FBXL17: variants seen among roughly 807,000 people sequenced by gnomAD.
FBXL17 encodes F-box/LRR-repeat protein 17.
Under a neutral mutation model 66.2 loss-of-function variants are expected in FBXL17, and 22 were observed. The observed-to-expected ratio is 0.33, with a 90% CI of 0.24 to 0.47. The LOEUF (loss-of-function observed/expected upper bound fraction) is 0.47, where lower values mean the gene tolerates loss of function less well. FBXL17 is among the 20% of genes least tolerant of loss of function. The probability of loss-of-function intolerance (pLI) is 1.00; values close to 1 mark genes in which losing one functional copy is unlikely to be tolerated. For synonymous variants in FBXL17, 474 were observed against 400.5 expected (o/e 1.18, Z -2.19); for missense variants, 878 against 948.2 (o/e 0.93, Z 0.97).
At chr5:107,978,937 C>G (rs1389556929) in intron 7 of FBXL17, among the ~76,000 whole-genome samples, 1 of 152,160 alleles carries the variant, frequency 6.6e-6, no homozygotes, top group Non-Finnish European at 1.5e-5. Flanking sequence ...CATATAAGGG[C>G]TGAAACATAG....
intron 7 of FBXL17, among the ~76,000 whole-genome samples, chr5:108,007,571 T>TA (rs2112729265): frequency 6.6e-6 from 1 of 152,116 alleles, no homozygotes; most frequent in Admixed American, 6.6e-5. Context: ...CCACTGCACG[T>TA]AAAAAATGTC....
intron 6 of FBXL17, among the ~76,000 whole-genome samples, chr5:108,051,914 T>C (rs1199456491): frequency 2.0e-5 from 3 of 151,764 alleles, no homozygotes; most frequent in Non-Finnish European, 4.4e-5. Context: ...ATCTAGACCA[T>C]CATGGCTAAC....
chr5:108,007,380 G>A (rs1458209478), intron 7 of FBXL17, among the ~76,000 whole-genome samples: 1 of 152,122 alleles, frequency 6.6e-6, no homozygotes, highest in Non-Finnish European at 1.5e-5. Context: ...AGACAGACTA[G>A]AGTCCACACA....
intron 4 of FBXL17, among the ~76,000 whole-genome samples, chr5:108,236,869 G>C (rs1755628129): frequency 6.6e-6 from 1 of 152,128 alleles, no homozygotes; most frequent in Admixed American, 6.5e-5. Context: ...CTTAGACTAG[G>C]CTCTGCCCTG....
At chr5:108,248,326 T>C (rs73781304) in intron 4 of FBXL17, among the ~76,000 whole-genome samples, 30 of 152,190 alleles carry the variant, frequency 2.0e-4, no homozygotes, top group African/African-American at 7.0e-4. Flanking sequence ...GAAAAAGTCA[T>C]TGGATGATCT....
intron 6 of FBXL17, among the ~76,000 whole-genome samples, chr5:108,183,377 T>C (rs1580571574): frequency 6.6e-6 from 1 of 152,172 alleles, no homozygotes; most frequent in East Asian, 1.9e-4. Flanking sequence ...ACCAAGAAAT[T>C]TACTGTAATA....
intron 7 of FBXL17, among the ~76,000 whole-genome samples, chr5:107,981,937 A>G (rs1256941069): frequency 6.6e-6 from 1 of 152,186 alleles, no homozygotes; most frequent in Non-Finnish European, 1.5e-5. Flanking sequence ...TTTATTACAG[A>G]AAAATGTACA....
intron 4 of FBXL17, chr5:108,299,094 AAC>A (rs1319313557): frequency 1.2e-5 from 12 of 977,212 alleles, no homozygotes; most frequent in African/African-American, 8.8e-5. Context: ...TATTTTAAAA[AAC>A]AGTCTGATTT....
At chr5:108,356,964 T>G (rs1246909186) in intron 3 of FBXL17, among the ~76,000 whole-genome samples, 1 of 152,014 alleles carries the variant, frequency 6.6e-6, no homozygotes, top group Non-Finnish European at 1.5e-5. Flanking sequence ...AATTCTGAAA[T>G]GAACCCAAAA....
At chr5:108,200,050 A>T (rs1753826929) in intron 5 of FBXL17, among the ~76,000 whole-genome samples, 1 of 152,078 alleles carries the variant, frequency 6.6e-6, no homozygotes, top group Non-Finnish European at 1.5e-5. Context: ...AAGACACAAA[A>T]GGAAGAGTCA....
intron 6 of FBXL17, among the ~76,000 whole-genome samples, chr5:108,035,801 A>C (rs1414522174): frequency 2.0e-5 from 3 of 151,964 alleles, no homozygotes; most frequent in Non-Finnish European, 4.4e-5. Context: ...CAAACACCTA[A>C]AGCACTCTAC....
At chr5:107,981,021 T>C (rs1381121147) in intron 7 of FBXL17, among the ~76,000 whole-genome samples, 1 of 152,086 alleles carries the variant, frequency 6.6e-6, no homozygotes, top group Non-Finnish European at 1.5e-5. Flanking sequence ...CTGGGAGGTA[T>C]ACAAAAGTGA....
intron 7 of FBXL17, among the ~76,000 whole-genome samples, chr5:108,001,627 A>G (rs555584992): frequency 6.6e-6 from 1 of 152,094 alleles, no homozygotes; most frequent in South Asian, 2.1e-4. Flanking sequence ...CAGCCTCCCA[A>G]GTAGCTGGGA....
chr5:108,100,043 C>T (rs550599433), intron 6 of FBXL17, among the ~76,000 whole-genome samples: 69 of 152,172 alleles, frequency 4.5e-4, no homozygotes, highest in Middle Eastern at 3.4e-3. Flanking sequence ...ATTAAACTAT[C>T]CCAATTATCT....
At chr5:107,863,165 C>A (rs1042001673) in intron 8 of FBXL17, among the ~76,000 whole-genome samples, 1 of 151,416 alleles carries the variant, frequency 6.6e-6, no homozygotes, top group African/African-American at 2.4e-5. Flanking sequence ...AAAACTGATA[C>A]ACATATCGGA....
chr5:107,983,290 C>G (rs1752892720), intron 7 of FBXL17, among the ~76,000 whole-genome samples: 1 of 152,144 alleles, frequency 6.6e-6, no homozygotes, highest in South Asian at 2.1e-4. Flanking sequence ...CTCCCAAGCT[C>G]AAGTGATCTT....
At chr5:108,191,211 A>G (rs919912172) in intron 5 of FBXL17, among the ~76,000 whole-genome samples, 1 of 152,222 alleles carries the variant, frequency 6.6e-6, no homozygotes, top group African/African-American at 2.4e-5. Flanking sequence ...CGAAGTCACA[A>G]AAATTTTATC....
chr5:108,051,425 T>C (rs1458903591), intron 6 of FBXL17, among the ~76,000 whole-genome samples: 1 of 152,232 alleles, frequency 6.6e-6, no homozygotes, highest in Non-Finnish European at 1.5e-5. Flanking sequence ...GATGCAAGGC[T>C]GGTTCAACAT....
chr5:108,340,102 T>G (rs533692848), intron 4 of FBXL17, among the ~76,000 whole-genome samples: 30 of 151,532 alleles, frequency 2.0e-4, no homozygotes, highest in African/African-American at 7.3e-4. Flanking sequence ...TATAATCCAC[T>G]TATGTTCCTG....
Sources: gnomAD v4.1 joint callset for allele counts (sites outside exome capture counted in the v4.1 genomes callset) on GRCh38, gnomAD v4.1.1 for gene constraint, MANE v1.5 for transcripts, NCBI Gene and HGNC (gene_info 2026-07-23, HGNC 2026-07-21) for gene names.